The following PTK2B variants were observed in gnomAD, a reference collection of about 807,000 sequenced individuals.
The protein encoded by PTK2B is protein-tyrosine kinase 2-beta.
Under a neutral mutation model 142.9 loss-of-function variants are expected in PTK2B, and 71 were observed. That is an observed-to-expected ratio of 0.50 (90% CI 0.41 to 0.61). The LOEUF is 0.61. Ranked by LOEUF, PTK2B falls within the 20% of genes least tolerant of loss-of-function variation. The pLI, the probability that PTK2B is intolerant of heterozygous loss-of-function variation, is 0.00. For synonymous variants in PTK2B, 519 were observed against 503.4 expected (o/e 1.03, Z -0.42); for missense variants, 1,105 against 1,320.4 (o/e 0.84, Z 2.53).
chr8:27,415,251 GGGTGGT>G (rs1032778785), intron 2 of PTK2B, among the ~76,000 whole-genome samples: 2 of 152,164 alleles, frequency 1.3e-5, no homozygotes, highest in African/African-American at 4.8e-5. Flanking sequence ...ATATCCAGCT[GGGTGGT>G]GGTGGTGGGT....
At chr8:27,319,634 ACT>A (rs1325633959) in intron 3 of PTK2B, among the ~76,000 whole-genome samples, 1 of 112,922 alleles carries the variant, frequency 8.9e-6, no homozygotes, top group Non-Finnish European at 1.7e-5. Flanking sequence ...ACAGAGCAAG[ACT>A]CTGTCTCAAA....
chr8:27,453,717 T>A (rs1372092574), intron 28 of PTK2B, among the ~76,000 whole-genome samples: 1 of 152,112 alleles, frequency 6.6e-6, no homozygotes, highest in Admixed American at 6.5e-5. Flanking sequence ...CCATCTTTAC[T>A]AAATTTTTTT....
rs367810356 is a variant in PTK2B at position 27,433,457 on chromosome 8, C to A, written c.1010C>A (p.Ser337Tyr). The A allele has an allele frequency of 1.2e-6, 2 of 1,614,180 alleles. No individual in the cohort carries two copies. Among genetic ancestry groups the A allele is most frequent in the African/African-American group, 1.3e-5 (1 of 75,080 alleles). Residue 337 changes from serine to tyrosine, a missense_variant, in exon 11 of 31, where the codon TCC (serine) becomes TAC (tyrosine). Transcript: ENST00000346049. ...APQALSIKTS[S>Y]LAEAENMADL... is the part of the protein sequence containing the mutation. ...CAGGCCTTGTCCATCAAAACCTCAT[C>A]CCTAGCAGAGGCTGAGAACATGGCT...
rs1185433744 is a variant in PTK2B at position 27,420,056 on chromosome 8, C to T, written c.366C>T (p.His122=). 18 of 1,614,092 alleles carry T rather than the reference C, an allele frequency of 1.1e-5. No homozygotes were observed. The highest frequency in any genetic ancestry group is 1.5e-5 in the Non-Finnish European group (18 of 1,180,014). Residue 122 remains histidine (H), a synonymous_variant, in exon 3 of 31, where the codon CAC becomes CAT. Coordinates refer to ENST00000346049, the MANE Select transcript of PTK2B (RefSeq NM_173176.3). ...GEVQDKYECL[H]VEAEWRYDLQ... The stretch of plus-strand genomic sequence containing the variant: ...TGCAGGACAAGTATGAGTGTCTGCA[C>T]GTGGAAGCCGAGTGGAGGTAGGAGT...
intron 1 of PTK2B, among the ~76,000 whole-genome samples, chr8:27,386,771 C>T (rs1231866070): frequency 6.6e-6 from 1 of 151,976 alleles, no homozygotes; most frequent in Non-Finnish European, 1.5e-5. Context: ...GCAGGTGAAG[C>T]TTGTTCAAGA....
Position 27,440,233 on chromosome 8 carries a change from C to G in PTK2B, c.1835-4C>G. The G allele has an allele frequency of 1.2e-6, 2 of 1,614,100 alleles. No individual in the cohort carries two copies. Among genetic ancestry groups the G allele is most frequent in the Non-Finnish European group, 1.7e-6 (2 of 1,180,000 alleles). On this transcript the variant is annotated splice_region_variant and splice_polypyrimidine_tract_variant and intron_variant, in intron 20 of 30. Coordinates refer to ENST00000346049, the MANE Select transcript of PTK2B (RefSeq NM_173176.3). ...CCAGGGCCTGACGCTCCCTTACACC[C>G]CAGCCGTGTGCATGTGGGAGATCCT...
At chr8:27,347,119 G>A (rs1368336748) in intron 1 of PTK2B, among the ~76,000 whole-genome samples, 2 of 151,748 alleles carry the variant, frequency 1.3e-5, no homozygotes, top group African/African-American at 4.8e-5. Context: ...GCTTATGCCT[G>A]TAATCCAAGC....
In PTK2B at chr8:27,454,620, C is replaced by G. The variant is rs1034449407; in HGVS notation, c.2814+9C>G. On this transcript the variant is annotated intron_variant, in intron 30 of 30. Coordinates refer to ENST00000346049, the MANE Select transcript of PTK2B (RefSeq NM_173176.3). ...CATCTTCACGGACAGAGGTGAGCGT[C>G]CCATTCCAGACAGCACCATAGGCTG... 6.2e-7 allele frequency: 1 copy of G among 1,612,704 alleles called. No individual in the cohort carries two copies. Among genetic ancestry groups the G allele is most frequent in the Non-Finnish European group, 8.5e-7 (1 of 1,178,798 alleles).
chr8:27,396,627 T>C (rs939267), intron 1 of PTK2B, among the ~76,000 whole-genome samples: 129,600 of 152,242 alleles, frequency 0.85, 55,760 homozygotes, highest in Middle Eastern at 0.96. Context: ...GCCGATGCCA[T>C]CCATCTAGAG....
At chr8:27,453,287 A>G in intron 28 of PTK2B, 127 bp downstream of exon 28, 1 of 1,292,410 alleles carries the variant, frequency 7.7e-7, no homozygotes, top group Non-Finnish European at 1.1e-6. Flanking sequence ...ATACAGATGA[A>G]GCCCGGGGTT....
intron 3 of PTK2B, among the ~76,000 whole-genome samples, chr8:27,314,590 C>T (rs578035658): frequency 6.6e-6 from 1 of 152,350 alleles, no homozygotes; most frequent in African/African-American, 2.4e-5. Flanking sequence ...TTCATCCTCT[C>T]CATTTACATA....
chr8:27,348,107 G>A (rs571863887), intron 1 of PTK2B, among the ~76,000 whole-genome samples: 4 of 152,202 alleles, frequency 2.6e-5, no homozygotes, highest in South Asian at 2.1e-4. Flanking sequence ...TAAGTAAAAC[G>A]ACCTCCAGAT....
At chr8:27,414,976 T>C (rs1317764265) in intron 2 of PTK2B, among the ~76,000 whole-genome samples, 2 of 152,160 alleles carry the variant, frequency 1.3e-5, no homozygotes, top group East Asian at 3.9e-4. Flanking sequence ...AAAAATAGAA[T>C]GAATTTTGCT....
rs144602426 is a variant in PTK2B, at chr8:27,356,865, T to G, written c.-38+31184T>G. On this transcript the variant is annotated intron_variant, in intron 1 of 30. Coordinates refer to ENST00000346049, the MANE Select transcript of PTK2B (RefSeq NM_173176.3). The stretch of plus-strand genomic sequence containing the variant: ...CATCACATCCTTTAAGAGATGAAAC[T>G]GTAGAGATGGAGAGCAAACTAGGGG... 2.7e-3 allele frequency among the ~76,000 whole-genome samples: 416 copies of G among 152,288 alleles called. 2 individuals are homozygous for G. The highest frequency in any genetic ancestry group is 9.3e-3 in the African/African-American group (387 of 41,536).
intron 24 of PTK2B, among the ~76,000 whole-genome samples, chr8:27,447,125 C>T (rs1811520243): frequency 6.6e-6 from 1 of 152,212 alleles, no homozygotes; most frequent in Non-Finnish European, 1.5e-5. Flanking sequence ...TGAGGGGTAG[C>T]ATTGCCTTCG....
intron 2 of PTK2B, among the ~76,000 whole-genome samples, chr8:27,401,945 G>A (rs1394179438): frequency 6.6e-6 from 1 of 152,054 alleles, no homozygotes; most frequent in African/African-American, 2.4e-5. Context: ...GATGATGGCA[G>A]TAGTGGTGAT....
chr8:27,314,691 C>T (rs1455843677), intron 3 of PTK2B, among the ~76,000 whole-genome samples: 4 of 152,248 alleles, frequency 2.6e-5, no homozygotes, highest in African/African-American at 7.2e-5. Flanking sequence ...CTATCTCAGG[C>T]CGGTTCCCAC....
chr8:27,431,295 C>T lies in PTK2B; in HGVS notation c.811-103C>T, dbSNP rs368721951. 3.0e-5 allele frequency: 48 copies of T among 1,587,106 alleles called. No homozygotes were observed. The East Asian group carries it at 3.4e-4, about 11-fold the overall frequency. On this transcript the variant is annotated intron_variant, in intron 8 of 30. Coordinates refer to ENST00000346049, the MANE Select transcript of PTK2B (RefSeq NM_173176.3). ...TTTCGGTGAGAAGGAGCTGGAGACC[C>T]AGGAAACAGTGGCTTGTGTCTAGCT...
chr8:27,402,475 G>A (rs1808441313), intron 2 of PTK2B, among the ~76,000 whole-genome samples: 1 of 152,204 alleles, frequency 6.6e-6, no homozygotes, highest in Non-Finnish European at 1.5e-5. Flanking sequence ...CTTGAGTGAG[G>A]TCAGTCCAAC....
Sources: allele counts gnomAD v4.1 joint callset (sites outside exome capture counted in the v4.1 genomes callset), GRCh38; gene constraint gnomAD v4.1.1; transcripts MANE v1.5; gene names NCBI Gene and HGNC (gene_info 2026-07-23, HGNC 2026-07-21).